The following TRPV4 variants were observed in gnomAD, a reference collection of about 807,000 sequenced individuals.
TRPV4 encodes the protein OSM9-like transient receptor potential channel 4.
A neutral mutation model predicts 84.1 loss-of-function variants in TRPV4; 58 were observed. The observed-to-expected ratio is 0.69, with a 90% CI of 0.56 to 0.86. The LOEUF (loss-of-function observed/expected upper bound fraction) is 0.86, where lower values mean the gene tolerates loss of function less well. Among genes scored for constraint, TRPV4 ranks in the 40% least tolerant of loss-of-function variants. The probability of loss-of-function intolerance (pLI) is 0.00; values close to 1 mark genes in which losing one functional copy is unlikely to be tolerated. For missense variants in TRPV4, 879 were observed against 1,181.1 expected (o/e 0.74, Z 3.75); for synonymous variants, 489 against 500.9 (o/e 0.98, Z 0.32).
At chr12:109,830,549 C>T (rs1308849877) in intron 1 of TRPV4, among the ~76,000 whole-genome samples, 1 of 152,180 alleles carries the variant, frequency 6.6e-6, no homozygotes, top group East Asian at 1.9e-4. Context: ...AATTCTGCTC[C>T]AAATGGGCGA....
intron 3 of TRPV4, among the ~76,000 whole-genome samples, chr12:109,804,163 G>A (rs779040497): frequency 1.3e-5 from 2 of 152,154 alleles, no homozygotes; most frequent in Non-Finnish European, 2.9e-5. Context: ...TGGTACTAGC[G>A]GGTCCTTAAC....
intron 1 of TRPV4, among the ~76,000 whole-genome samples, chr12:109,828,535 CCCT>C (rs889860532): frequency 6.6e-5 from 10 of 152,210 alleles, no homozygotes; most frequent in African/African-American, 2.4e-4. Flanking sequence ...TAACCCAAAT[CCCT>C]CCTCAAGTTG....
chr12:109,802,627 T>G (rs1320487160), intron 4 of TRPV4, among the ~76,000 whole-genome samples: 1 of 150,414 alleles, frequency 6.6e-6, no homozygotes, highest in Admixed American at 6.6e-5. Flanking sequence ...TTTTTTTTTT[T>G]GTATCTTTTG....
intron 1 of TRPV4, among the ~76,000 whole-genome samples, chr12:109,829,918 C>T (rs747449079): frequency 1.3e-5 from 2 of 152,222 alleles, no homozygotes; most frequent in Admixed American, 6.5e-5. Flanking sequence ...TGGGCTTAAG[C>T]GATCCTCCCA....
chr12:109,799,927 C>CTTAT (rs138812871), intron 5 of TRPV4, among the ~76,000 whole-genome samples: 94 of 148,466 alleles, frequency 6.3e-4, no homozygotes, highest in South Asian at 1.8e-3. Context: ...TGCCATCTAA[C>CTTAT]TTATTTATTT....
chr12:109,805,666 C>G lies in TRPV4; in HGVS notation c.560-2523G>C, dbSNP rs151304928. ...AGGTTTTGTGGGACGTAGACTAGGT[C>G]GAGGACCTCAGAAAGGGCCTTAGCC... On this transcript the variant is annotated intron_variant, in intron 3 of 15. Coordinates refer to ENST00000261740, the MANE Select transcript of TRPV4 (RefSeq NM_021625.5). Among the ~76,000 whole-genome samples the G allele has an allele frequency of 1.7e-3, 261 of 152,216 alleles. 2 individuals carry two copies. The highest frequency in any genetic ancestry group is 6.1e-3 in the African/African-American group (252 of 41,542).
chr12:109,783,538 G>C lies in TRPV4; in HGVS notation c.*83C>G, dbSNP rs1360617913. ...CGCCTCTGGGGCCAAAGCAGGGTGT[G>C]GGGGGACACCCCAGAAGGCACTGCT... On this transcript the variant is annotated 3_prime_UTR_variant, in exon 16 of 16. Coordinates refer to ENST00000261740, the MANE Select transcript of TRPV4 (RefSeq NM_021625.5). This position sits in a 1 kb window ranked among gnomAD's most constrained non-coding sequence, Gnocchi z 4.6. 97 of 1,533,338 alleles carry C rather than the reference G, an allele frequency of 6.3e-5. No homozygotes were observed. Among genetic ancestry groups the C allele is most frequent in the Non-Finnish European group, 7.5e-5 (85 of 1,130,922 alleles). 95.0% of individuals were successfully genotyped at this position (1,533,338 alleles called of 1,614,324 possible).
At chr12:109,785,300 G>A (rs1229832335) in intron 14 of TRPV4, among the ~76,000 whole-genome samples, 2 of 152,008 alleles carry the variant, frequency 1.3e-5, no homozygotes, top group Non-Finnish European at 2.9e-5. Context: ...CAGTCACCAC[G>A]CCTGGCCCAG....
intron 3 of TRPV4, among the ~76,000 whole-genome samples, chr12:109,807,292 A>AAT (rs1891206666): frequency 1.4e-5 from 2 of 145,828 alleles, no homozygotes; most frequent in South Asian, 4.5e-4. Flanking sequence ...AAAAAAAAAA[A>AAT]GCCTCTTCTG....
intron 1 of TRPV4, among the ~76,000 whole-genome samples, chr12:109,821,405 C>A (rs1279253309): frequency 6.6e-6 from 1 of 152,228 alleles, no homozygotes; most frequent in Admixed American, 6.5e-5. Flanking sequence ...GGCTGGCTCC[C>A]ACTTACTCCT....
intron 1 of TRPV4, among the ~76,000 whole-genome samples, chr12:109,827,476 A>G (rs765047591): frequency 1.1e-4 from 16 of 152,026 alleles, no homozygotes; most frequent in Non-Finnish European, 2.1e-4. Flanking sequence ...CCCATGGGTC[A>G]GTCAACCCCA....
At chr12:109,818,838 C>A (rs960400287) in intron 1 of TRPV4, among the ~76,000 whole-genome samples, 1 of 152,216 alleles carries the variant, frequency 6.6e-6, no homozygotes, top group African/African-American at 2.4e-5. Flanking sequence ...TACAGCCTGA[C>A]ATTTTATAGC....
At chr12:109,800,792 C>T (rs377700162) in intron 4 of TRPV4, 34 bp from the exon 5 acceptor site, 62 of 1,536,154 alleles carry the variant, frequency 4.0e-5, no homozygotes, top group Admixed American at 2.6e-4. Context: ...AGGGTCCTGG[C>T]GGAGCAGAGA....
In TRPV4 at chr12:109,794,465, A is replaced by G; in HGVS notation, c.1355T>C (p.Val452Ala). ...CCGCAGCAGTTCATTGATGGGCTCC[A>G]CAGCCAGCATCTCGTGGCGGTTCTA... ...KIENRHEMLA[V>A]EPINELLRDK... is the part of the protein sequence containing the mutation. The change falls in exon 8 of 16, where the codon GTG becomes GCG. Residue 452 changes from valine to alanine, a missense_variant. By Grantham distance (64) the Val-to-Ala change is moderately conservative. This residue lies in a region of TRPV4 where 521 missense variants were observed against 686.6 expected (regional missense o/e 0.76). Transcript: ENST00000261740. 6.2e-7 allele frequency: 1 copy of G among 1,614,082 alleles called. No homozygotes were observed. The highest frequency in any genetic ancestry group is 8.5e-7 in the Non-Finnish European group (1 of 1,180,032).
In TRPV4 at chr12:109,796,609, G is replaced by A; in HGVS notation, c.1248C>T (p.Ser416=). The change falls in exon 7 of 16, where the codon TCC becomes TCT. Residue 416 remains serine (S), a synonymous_variant. Coordinates refer to ENST00000261740, the MANE Select transcript of TRPV4 (RefSeq NM_021625.5). The surrounding 1 kb of genome is among the most constrained non-coding windows in gnomAD (Gnocchi z 4.2). ...FKDWAYGPVY[S]SLYDLSSLDT... is the part of the protein sequence containing the mutation. ...CCAGGGAGGAGAGGTCATAAAGCGA[G>A]GAATACACTGGCCCATAGGCCCAGT... 6.2e-7 allele frequency: 1 copy of A among 1,614,214 alleles called. No homozygotes were observed. Among genetic ancestry groups the A allele is most frequent in the Non-Finnish European group, 8.5e-7 (1 of 1,180,046 alleles).
Position 109,793,891 on chromosome 12 carries a change from G to T in TRPV4, c.1584+39C>A. 6.9e-7 allele frequency: 1 copy of T among 1,450,910 alleles called. No individual in the cohort carries two copies. Among genetic ancestry groups the T allele is most frequent in the Non-Finnish European group, 9.6e-7 (1 of 1,042,708 alleles). 89.9% of individuals were successfully genotyped at this position (1,450,910 alleles called of 1,614,324 possible). ...AAAGAGGTGCAGGAAGAGAAGAGGAGGGCAGGCAGGGTGGGGGGCACGGGG... is the reference window on the plus strand; with the variant it reads ...AAAGAGGTGCAGGAAGAGAAGAGGATGGCAGGCAGGGTGGGGGGCACGGGG... On this transcript the variant is annotated intron_variant, in intron 9 of 15. Coordinates refer to ENST00000261740, the MANE Select transcript of TRPV4 (RefSeq NM_021625.5). The surrounding 1 kb of genome is among the most constrained non-coding windows in gnomAD (Gnocchi z 4.0).
intron 2 of TRPV4, among the ~76,000 whole-genome samples, chr12:109,811,015 T>C (rs1454271402): frequency 6.6e-6 from 1 of 152,156 alleles, no homozygotes; most frequent in Non-Finnish European, 1.5e-5. Context: ...CCCTATTCCT[T>C]GGCGACATCT....
At chr12:109,789,127 C>T (rs1889883154) in intron 12 of TRPV4, among the ~76,000 whole-genome samples, 1 of 152,050 alleles carries the variant, frequency 6.6e-6, no homozygotes, top group Non-Finnish European at 1.5e-5. Flanking sequence ...TCCCTGCTAC[C>T]GGGAGGGAAA....
At chr12:109,820,638 C>T (rs1427028540) in intron 1 of TRPV4, among the ~76,000 whole-genome samples, 1 of 150,054 alleles carries the variant, frequency 6.7e-6, no homozygotes, top group Non-Finnish European at 1.5e-5. Flanking sequence ...TTCTTCTGCT[C>T]AGCCTCCTGA....
Sources: allele counts gnomAD v4.1 joint callset (sites outside exome capture counted in the v4.1 genomes callset), GRCh38; gene constraint gnomAD v4.1.1; regional missense constraint gnomAD v4.1.1; non-coding constraint Gnocchi (gnomAD v3.1); transcripts MANE v1.5; gene names NCBI Gene and HGNC (gene_info 2026-07-23, HGNC 2026-07-21).